Variants in WDR37 observed in about 807,000 individuals in gnomAD.
WDR37 encodes WD repeat-containing protein 37.
In WDR37, 19 loss-of-function variants were observed where a neutral mutation model predicts 62.9. The observed-to-expected ratio is 0.30, with a 90% CI of 0.21 to 0.44. The LOEUF (loss-of-function observed/expected upper bound fraction) is 0.44. WDR37 is among the 20% of genes least tolerant of loss of function. The pLI is 1.00. For synonymous variants in WDR37, 250 were observed against 260.9 expected (o/e 0.96, Z 0.40); for missense variants, 474 against 657.6 (o/e 0.72, Z 3.05).
chr10:1,124,944 C>T lies in WDR37; in HGVS notation c.1273C>T (p.Leu425Phe), dbSNP rs1835694927. The change falls in exon 13 of 14, where the codon CTC becomes TTC. Residue 425 changes from leucine to phenylalanine, a missense_variant. Leu to Phe is a conservative substitution (Grantham distance 22). Coordinates refer to ENST00000263150, the MANE Select transcript of WDR37 (RefSeq NM_014023.4). ...ATGTGTCGGCCAAAAAATCATAGCC[C>T]TCCCCCATGACAACCGACAAGTGAG... Reference protein sequence around the residue: ...NVCVGQKIIALPHDNRQVRLF... With the variant: ...NVCVGQKIIAFPHDNRQVRLF... 6.2e-7 allele frequency: 1 copy of T among 1,614,198 alleles called. No homozygotes were observed. Among genetic ancestry groups the T allele is most frequent in the Non-Finnish European group, 8.5e-7 (1 of 1,180,032 alleles).
chr10:1,077,681 T>C (rs1159425765), intron 2 of WDR37, among the ~76,000 whole-genome samples: 1 of 152,248 alleles, frequency 6.6e-6, no homozygotes, highest in Non-Finnish European at 1.5e-5. Flanking sequence ...AAGGAGTGTT[T>C]ATTTTCAAAT....
At chr10:1,109,698 A>C (rs1205020351) in intron 11 of WDR37, among the ~76,000 whole-genome samples, 1 of 152,214 alleles carries the variant, frequency 6.6e-6, no homozygotes, top group Non-Finnish European at 1.5e-5. Flanking sequence ...GCAATGAGCG[A>C]AACTCCAAAC....
rs1042565823 is a variant in WDR37, at chr10:1,079,918, A to G, written c.236-93A>G. 4 of 936,608 alleles carry G rather than the reference A, an allele frequency of 4.3e-6. No individual in the cohort carries two copies. In the African/African-American group the frequency reaches 5.0e-5, roughly 12 times the overall value. 58.0% of individuals were successfully genotyped at this position (936,608 alleles called of 1,614,324 possible). On this transcript the variant is annotated intron_variant, in intron 3 of 13. Transcript: ENST00000263150. ...GTCTTTGTTTATATAACACTAATATATAGCATTTTTTCTGTGTGCGAGTTT... is the reference window on the plus strand; with the variant it reads ...GTCTTTGTTTATATAACACTAATATGTAGCATTTTTTCTGTGTGCGAGTTT...
intron 13 of WDR37, among the ~76,000 whole-genome samples, chr10:1,127,148 A>C (rs1344482863): frequency 3.9e-5 from 6 of 152,232 alleles, no homozygotes; most frequent in Non-Finnish European, 8.8e-5. Flanking sequence ...ATTCATGAAA[A>C]CTATTTGTTT....
intron 8 of WDR37, among the ~76,000 whole-genome samples, chr10:1,093,746 C>A (rs982372416): frequency 6.6e-6 from 1 of 152,180 alleles, no homozygotes; most frequent in African/African-American, 2.4e-5. Flanking sequence ...CGAAGCCTTT[C>A]CGTACAGCAT....
At chr10:1,069,858 T>C (rs1485313782) in intron 1 of WDR37, among the ~76,000 whole-genome samples, 1 of 152,144 alleles carries the variant, frequency 6.6e-6, no homozygotes, top group East Asian at 1.9e-4. Flanking sequence ...ATGTAACCAC[T>C]GGGGAAATAT....
At chr10:1,098,971 A>T (rs1411542942) in intron 9 of WDR37, among the ~76,000 whole-genome samples, 3 of 152,194 alleles carry the variant, frequency 2.0e-5, no homozygotes, top group African/African-American at 7.2e-5. Context: ...CATCTGTTTA[A>T]TATTAGACAT....
At chr10:1,057,776 G>A (rs543295153) in intron 1 of WDR37, among the ~76,000 whole-genome samples, 1 of 152,252 alleles carries the variant, frequency 6.6e-6, no homozygotes, top group South Asian at 2.1e-4. Context: ...TAAAACATTC[G>A]TCCCTTGAAG....
At chr10:1,066,416 C>T (rs1029912927) in intron 1 of WDR37, among the ~76,000 whole-genome samples, 3 of 151,892 alleles carry the variant, frequency 2.0e-5, no homozygotes, top group East Asian at 1.9e-4. Context: ...TCGCCCAGCC[C>T]GATACTAGGA....
rs1835957639 is a variant in WDR37, at chr10:1,131,962, A to ATAT, written c.*2620_*2622dup. The ATAT allele has an allele frequency of 6.6e-6, 1 of 152,668 alleles. No individual in the cohort carries two copies. Among genetic ancestry groups the ATAT allele is most frequent in the Non-Finnish European group, 1.5e-5 (1 of 68,044 alleles). The allele number at this position is 152,668 out of a possible 1,614,324, so 9.5% of individuals were successfully genotyped here. A position where few individuals can be genotyped will look rare whatever the true frequency, so the allele number is the denominator to read the frequency against. On this transcript the variant is annotated 3_prime_UTR_variant, in exon 14 of 14. Coordinates refer to ENST00000263150, the MANE Select transcript of WDR37 (RefSeq NM_014023.4). Reference sequence around the variant, plus strand: ...TTCTGTAGAGACAAAAACTCTGTACATATTTTGGAATCTGAAGAATCCTAT... The same window carrying ATAT: ...TTCTGTAGAGACAAAAACTCTGTACATATTATTTTGGAATCTGAAGAATCCTAT...
rs573619699 is a variant in WDR37 at position 1,059,321 on chromosome 10, A to G, written c.-41+2353A>G. 3.9e-5 allele frequency among the ~76,000 whole-genome samples: 6 copies of G among 152,326 alleles called. No individual in the cohort carries two copies. The East Asian group carries it at 1.2e-3, about 29-fold the overall frequency. On this transcript the variant is annotated intron_variant, in intron 1 of 13. Coordinates refer to ENST00000263150, the MANE Select transcript of WDR37 (RefSeq NM_014023.4). ...AACTCAGGAGGCAGAAGTTGCGGTT[A>G]GCCGAGATCACGCCACTGCCCTCCA... is the stretch of plus-strand genomic sequence containing the variant.
At chr10:1,093,995 G>A (rs1046937610) in intron 8 of WDR37, among the ~76,000 whole-genome samples, 5 of 152,152 alleles carry the variant, frequency 3.3e-5, no homozygotes, top group Admixed American at 6.5e-5. Context: ...GCCTTCCTTG[G>A]TCGCTTTTTC....
chr10:1,064,807 G>T (rs996240867), intron 1 of WDR37, among the ~76,000 whole-genome samples: 2 of 151,914 alleles, frequency 1.3e-5, no homozygotes, highest in African/African-American at 4.8e-5. Context: ...AGCCAGGCTG[G>T]TCTTGAACTC....
chr10:1,120,728 T>C (rs1835550688), intron 11 of WDR37, among the ~76,000 whole-genome samples: 2 of 152,192 alleles, frequency 1.3e-5, no homozygotes, highest in African/African-American at 4.8e-5. Flanking sequence ...GAAACGATCG[T>C]CAGTGTTTGA....
chr10:1,129,697 G>A lies in WDR37; in HGVS notation c.*353G>A, dbSNP rs79656005. The stretch of plus-strand genomic sequence containing the variant: ...GTGAACTTCTGTATTACGTTGCGGC[G>A]TCGGCAGTCCTGCGTTCCCTGGAGT... On this transcript the variant is annotated 3_prime_UTR_variant, in exon 14 of 14. Transcript: ENST00000263150. The A allele has an allele frequency of 0.021, 3,997 of 186,380 alleles. 174 individuals are homozygous for A. The highest frequency in any genetic ancestry group is 0.086 in the African/African-American group (3,663 of 42,466). 11.5% of individuals were successfully genotyped at this position (186,380 alleles called of 1,614,324 possible). A position where few individuals can be genotyped will look rare whatever the true frequency, so the allele number is the denominator to read the frequency against.
intron 13 of WDR37, among the ~76,000 whole-genome samples, chr10:1,126,001 C>G (rs1835733529): frequency 1.3e-5 from 2 of 152,144 alleles, no homozygotes; most frequent in African/African-American, 4.8e-5. Flanking sequence ...TGTTCAGATT[C>G]CCTGGCGGCT....
chr10:1,079,403 C>T lies in WDR37; in HGVS notation c.236-608C>T, dbSNP rs115997793. Among the ~76,000 whole-genome samples the T allele has an allele frequency of 2.8e-3, 415 of 150,686 alleles. 7 individuals are homozygous for T. Among genetic ancestry groups the T allele is most frequent in the African/African-American group, 9.5e-3 (384 of 40,222 alleles). ...CCCAGCCCAGAATAATGTTTTTAAT[C>T]GTGCAGAATCAATCACTATGGAAAC... On this transcript the variant is annotated intron_variant, in intron 3 of 13. Transcript: ENST00000263150.
At position 1,056,970 on chromosome 10, in the gene WDR37, T is replaced by C. The variant is rs996183968; in HGVS notation, c.-41+2T>C. On this transcript the variant is annotated splice_donor_variant, in intron 1 of 13. Coordinates refer to ENST00000263150, the MANE Select transcript of WDR37 (RefSeq NM_014023.4). LOFTEE classifies it low-confidence loss of function (5UTR_SPLICE). ...TGGCGGGCGCAGCTGCTGTGACAGG[T>C]GAGTGCCGCCATCTTCCTACCTGTC... The C allele has an allele frequency of 6.6e-6, 1 of 152,578 alleles. No homozygotes were observed. The highest frequency in any genetic ancestry group is 2.4e-5 in the African/African-American group (1 of 41,232). The allele number at this position is 152,578 out of a possible 1,614,324, so 9.5% of individuals were successfully genotyped here.
At position 1,080,218 on chromosome 10, in the gene WDR37, A is replaced by G. The variant is rs1833987736; in HGVS notation, c.331+112A>G. On this transcript the variant is annotated intron_variant, in intron 4 of 13. Coordinates refer to ENST00000263150, the MANE Select transcript of WDR37 (RefSeq NM_014023.4). Reference sequence around the variant, plus strand: ...TTTTGCTGTCAGCAGACCTCGAACTATCTAATTCAGGTGTGGGTCTAGGAG... The same window carrying G: ...TTTTGCTGTCAGCAGACCTCGAACTGTCTAATTCAGGTGTGGGTCTAGGAG... 5 of 1,325,208 alleles carry G rather than the reference A, an allele frequency of 3.8e-6. No individual in the cohort carries two copies. The Admixed American group carries it at 7.6e-5, about 20-fold the overall frequency. The allele number at this position is 1,325,208 out of a possible 1,614,324, so 82.1% of individuals were successfully genotyped here. A position where few individuals can be genotyped will look rare whatever the true frequency, so the allele number is the denominator to read the frequency against.
Sources: gnomAD v4.1 joint callset for allele counts (sites outside exome capture counted in the v4.1 genomes callset) on GRCh38, gnomAD v4.1.1 for gene constraint, MANE v1.5 for transcripts, NCBI Gene and HGNC (gene_info 2026-07-23, HGNC 2026-07-21) for gene names.